Variants in LRRC4C observed in about 807,000 individuals in gnomAD.
The protein encoded by LRRC4C is leucine-rich repeat-containing protein 4C.
LRRC4C carries 5 observed loss-of-function variants against 33.6 expected under a neutral mutation model. The observed-to-expected ratio is 0.15, with a 90% CI of 0.08 to 0.31. The LOEUF (loss-of-function observed/expected upper bound fraction) is 0.31, where lower values mean the gene tolerates loss of function less well. Among genes scored for constraint, LRRC4C ranks in the 10% least tolerant of loss-of-function variants. LRRC4C has a pLI of 1.00. For synonymous variants in LRRC4C, 329 were observed against 302.0 expected (o/e 1.09, Z -0.93); for missense variants, 560 against 796.7 (o/e 0.70, Z 3.58).
intron 1 of LRRC4C, among the ~76,000 whole-genome samples, chr11:41,030,708 A>G (rs140287533): frequency 6.6e-6 from 1 of 151,954 alleles, no homozygotes; most frequent in East Asian, 1.9e-4. Context: ...TTTCTTACTT[A>G]AAATATGCAT....
chr11:41,316,290 C>T (rs199805833), intron 1 of LRRC4C, among the ~76,000 whole-genome samples: 3 of 93,252 alleles, frequency 3.2e-5, no homozygotes, highest in Non-Finnish European at 6.7e-5. Flanking sequence ...CAAAAAAAAA[C>T]AAACATGAGC....
intron 2 of LRRC4C, among the ~76,000 whole-genome samples, chr11:40,850,154 A>G: frequency 6.6e-6 from 1 of 151,066 alleles, no homozygotes; most frequent in East Asian, 2.0e-4. Context: ...CTCATTCTCC[A>G]TCCAGTTTTT....
chr11:40,194,448 G>A (rs912965621), intron 5 of LRRC4C, among the ~76,000 whole-genome samples: 2 of 152,164 alleles, frequency 1.3e-5, no homozygotes, highest in African/African-American at 4.8e-5. Context: ...AGTTCCTGAA[G>A]AAAGAGTTCA....
intron 4 of LRRC4C, among the ~76,000 whole-genome samples, chr11:40,315,834 T>A (rs549130791): frequency 3.3e-5 from 5 of 152,110 alleles, no homozygotes; most frequent in African/African-American, 1.2e-4. Context: ...ATAAAAATGC[T>A]CCTTCTCTAA....
intron 1 of LRRC4C, among the ~76,000 whole-genome samples, chr11:40,949,905 A>G (rs1380626082): frequency 6.6e-6 from 1 of 152,196 alleles, no homozygotes; most frequent in Non-Finnish European, 1.5e-5. Flanking sequence ...TGCTCCAATT[A>G]AAAGACACAG....
At chr11:40,777,695 A>ATT (rs941694156) in intron 2 of LRRC4C, among the ~76,000 whole-genome samples, 1 of 145,472 alleles carries the variant, frequency 6.9e-6, no homozygotes, top group Non-Finnish European at 1.5e-5. Flanking sequence ...TATTTTTTTT[A>ATT]TTTTTTTTTT....
intron 2 of LRRC4C, among the ~76,000 whole-genome samples, chr11:40,768,659 C>A (rs1187329225): frequency 6.6e-6 from 1 of 152,072 alleles, no homozygotes; most frequent in Non-Finnish European, 1.5e-5. Context: ...TGGGATTTAT[C>A]TCAGGGATGC....
chr11:41,156,093 G>A (rs931391319), intron 1 of LRRC4C, among the ~76,000 whole-genome samples: 2 of 151,972 alleles, frequency 1.3e-5, no homozygotes, highest in African/African-American at 2.4e-5. Context: ...TAAAACCCAC[G>A]GACCCATCTA....
chr11:40,604,426 A>G (rs1021693860), intron 3 of LRRC4C, among the ~76,000 whole-genome samples: 2 of 152,120 alleles, frequency 1.3e-5, no homozygotes, highest in Non-Finnish European at 2.9e-5. Context: ...AACTCCGCAA[A>G]GTAGAAATTA....
chr11:41,026,117 T>A (rs983103931), intron 1 of LRRC4C, among the ~76,000 whole-genome samples: 1 of 151,744 alleles, frequency 6.6e-6, no homozygotes, highest in Non-Finnish European at 1.5e-5. Context: ...AGGAAATACA[T>A]TTTGTAAGGC....
At chr11:41,286,368 G>A (rs1313043794) in intron 1 of LRRC4C, among the ~76,000 whole-genome samples, 3 of 152,198 alleles carry the variant, frequency 2.0e-5, no homozygotes, top group Admixed American at 6.5e-5. Context: ...CTCAACAAAC[G>A]ATACTTTCTA....
chr11:41,194,633 A>T (rs1387256407), intron 1 of LRRC4C, among the ~76,000 whole-genome samples: 1 of 152,110 alleles, frequency 6.6e-6, no homozygotes, highest in Non-Finnish European at 1.5e-5. Context: ...AGAGGCCCCC[A>T]GGCCAACAGC....
intron 3 of LRRC4C, among the ~76,000 whole-genome samples, chr11:40,481,275 C>T (rs911340691): frequency 6.6e-6 from 1 of 151,964 alleles, no homozygotes; most frequent in Non-Finnish European, 1.5e-5. Flanking sequence ...TTCTTCTTGC[C>T]TCTCAGTGTG....
chr11:40,426,533 AC>A (rs1307525591), intron 3 of LRRC4C, among the ~76,000 whole-genome samples: 1 of 152,110 alleles, frequency 6.6e-6, no homozygotes, highest in Non-Finnish European at 1.5e-5. Flanking sequence ...GCCTACTCTG[AC>A]CAGTTCACTT....
chr11:40,640,800 G>C (rs998295242), intron 3 of LRRC4C, among the ~76,000 whole-genome samples: 1 of 151,956 alleles, frequency 6.6e-6, no homozygotes, highest in Non-Finnish European at 1.5e-5. Flanking sequence ...GGATCACGAG[G>C]TCAGGAGATC....
chr11:40,610,582 T>C (rs1328025998), intron 3 of LRRC4C, among the ~76,000 whole-genome samples: 1 of 151,736 alleles, frequency 6.6e-6, no homozygotes, highest in Non-Finnish European at 1.5e-5. Context: ...AGATCTAAAA[T>C]TATCCTTATT....
chr11:40,327,435 G>A (rs1298985905), intron 3 of LRRC4C, among the ~76,000 whole-genome samples: 1 of 152,190 alleles, frequency 6.6e-6, no homozygotes, highest in Non-Finnish European at 1.5e-5. Context: ...CAAGAAAAGG[G>A]CCTCTATTAT....
At chr11:41,046,819 G>A (rs1458753902) in intron 1 of LRRC4C, among the ~76,000 whole-genome samples, 2 of 152,058 alleles carry the variant, frequency 1.3e-5, no homozygotes, top group Non-Finnish European at 2.9e-5. Flanking sequence ...CCTTATTACT[G>A]AACTATAGAG....
chr11:40,993,522 A>C (rs1853740048), intron 1 of LRRC4C, among the ~76,000 whole-genome samples: 1 of 152,146 alleles, frequency 6.6e-6, no homozygotes, highest in Non-Finnish European at 1.5e-5. Flanking sequence ...ATGAAAGGAC[A>C]CCTGCATTGA....
Sources: allele counts gnomAD v4.1 joint callset (sites outside exome capture counted in the v4.1 genomes callset), GRCh38; gene constraint gnomAD v4.1.1; transcripts MANE v1.5; gene names NCBI Gene and HGNC (gene_info 2026-07-23, HGNC 2026-07-21).